CCDC30: variants seen among roughly 807,000 people sequenced by gnomAD.
CCDC30 encodes coiled-coil domain containing 30.
In CCDC30, 70 loss-of-function variants were observed where a neutral mutation model predicts 100.2. That is an observed-to-expected ratio of 0.70 (90% CI 0.58 to 0.85). CCDC30 has a LOEUF of 0.85. CCDC30 is among the 40% of genes least tolerant of loss of function. The pLI, the probability that CCDC30 is intolerant of heterozygous loss-of-function variation, is 0.00. For missense variants in CCDC30, 652 were observed against 771.2 expected (o/e 0.85, Z 1.83); for synonymous variants, 233 against 269.5 (o/e 0.86, Z 1.33).
chr1:42,633,789 C>G (rs1481326459), intron 11 of CCDC30, among the ~76,000 whole-genome samples: 1 of 152,096 alleles, frequency 6.6e-6, no homozygotes, highest in Admixed American at 6.6e-5. Flanking sequence ...TTGTATTAGT[C>G]ACTTCTCATG....
chr1:42,629,969 A>ATTTTT (rs4019432), intron 11 of CCDC30, among the ~76,000 whole-genome samples: 8 of 90,118 alleles, frequency 8.9e-5, no homozygotes, highest in African/African-American at 2.2e-4. Flanking sequence ...ATGTCCCCCT[A>ATTTTT]TTTTTTTTTT....
At chr1:42,512,208 C>A (rs4622103) in intron 6 of CCDC30, among the ~76,000 whole-genome samples, 1 of 152,094 alleles carries the variant, frequency 6.6e-6, no homozygotes, top group African/African-American at 2.4e-5. Context: ...GTTCCTTGCC[C>A]TCATTCTGGT....
the CCDC30 span, chr1:42,456,335 C>T: frequency 1.6e-6 from 1 of 607,798 alleles, no homozygotes; most frequent in Non-Finnish European, 2.9e-6. Flanking sequence ...GGAACGTGAC[C>T]CTACCAGATG....
At position 42,539,319 on chromosome 1, in the gene CCDC30, GAGTT is replaced by G. The variant is rs759565786; in HGVS notation, c.457-26974_457-26971del. 3.8e-6 allele frequency: 6 copies of G among 1,589,758 alleles called. No individual in the cohort carries two copies. The highest frequency in any genetic ancestry group is 5.1e-6 in the Non-Finnish European group (6 of 1,170,886). On this transcript the variant is annotated intron_variant, in intron 6 of 16. Coordinates refer to ENST00000668663, the Ensembl canonical transcript of CCDC30. Reference sequence around the variant, plus strand: ...CTGAATTAGAAACAAAGGTGAGACTGAGTTAGGTATTTAAATGTTCAATATTTAA... The same window carrying G: ...CTGAATTAGAAACAAAGGTGAGACTGAGGTATTTAAATGTTCAATATTTAA...
chr1:42,619,369 A>G (rs1320995696), intron 11 of CCDC30, among the ~76,000 whole-genome samples: 3 of 152,192 alleles, frequency 2.0e-5, no homozygotes, highest in African/African-American at 7.2e-5. Flanking sequence ...CCAAGGGAAA[A>G]CTTCTCCTTT....
chr1:42,622,427 G>A (rs1264144227), intron 11 of CCDC30, among the ~76,000 whole-genome samples: 1 of 152,172 alleles, frequency 6.6e-6, no homozygotes, highest in Non-Finnish European at 1.5e-5. Flanking sequence ...TCGATATACT[G>A]ATTTCCTTTC....
chr1:42,629,847 C>T (rs1647002051), intron 11 of CCDC30, among the ~76,000 whole-genome samples: 1 of 151,654 alleles, frequency 6.6e-6, no homozygotes, highest in African/African-American at 2.4e-5. Context: ...AACTCCTGAC[C>T]TCGTGATCCG....
rs1168552275 is a variant in CCDC30, at chr1:42,464,283, G to T, written c.-92+385G>T. 3.3e-5 allele frequency: 5 copies of T among 152,298 alleles called. No homozygotes were observed. The East Asian group carries it at 9.6e-4, about 29-fold the overall frequency. 9.4% of individuals were successfully genotyped at this position (152,298 alleles called of 1,614,324 possible). A position where few individuals can be genotyped will look rare whatever the true frequency, so the allele number is the denominator to read the frequency against. On this transcript the variant is annotated intron_variant, in intron 1 of 16. Coordinates refer to ENST00000668663, the Ensembl canonical transcript of CCDC30. ...GAAAATGGAAAAAAAAATCAAAATT[G>T]CAGTATTGGACCCATTTCAGGCTTA... is the stretch of plus-strand genomic sequence containing the variant.
At chr1:42,561,310 A>G (rs2148558134) in intron 6 of CCDC30, among the ~76,000 whole-genome samples, 1 of 152,362 alleles carries the variant, frequency 6.6e-6, no homozygotes, top group East Asian at 1.9e-4. Flanking sequence ...ACATACACAA[A>G]TGAATAAACA....
chr1:42,506,069 A>G lies in CCDC30; in HGVS notation c.456+7153A>G, dbSNP rs546897583. On this transcript the variant is annotated intron_variant, in intron 6 of 16. Coordinates refer to ENST00000668663, the Ensembl canonical transcript of CCDC30. ...ATTTTAGAGGAACCAGGCAATGAGAAAGAAGTATGCCTTAAATTTTATTCA... is the reference window on the plus strand; with the variant it reads ...ATTTTAGAGGAACCAGGCAATGAGAGAGAAGTATGCCTTAAATTTTATTCA... Among the ~76,000 whole-genome samples, 8 of 152,356 alleles carry G rather than the reference A, an allele frequency of 5.3e-5. No individual in the cohort carries two copies. The South Asian group carries it at 1.4e-3, about 28-fold the overall frequency.
chr1:42,482,341 G>C (rs1488237082), intron 2 of CCDC30, among the ~76,000 whole-genome samples: 1 of 151,900 alleles, frequency 6.6e-6, no homozygotes, highest in African/African-American at 2.4e-5. Context: ...TTGGTATTAT[G>C]ACTATGTAAA....
chr1:42,574,140 A>G (rs1297702756), intron 7 of CCDC30, among the ~76,000 whole-genome samples: 1 of 152,096 alleles, frequency 6.6e-6, no homozygotes, highest in Non-Finnish European at 1.5e-5. Context: ...AAAAATGGGT[A>G]ATATACCCTC....
At chr1:42,465,988 C>G (rs1643566861) in intron 1 of CCDC30, among the ~76,000 whole-genome samples, 1 of 152,118 alleles carries the variant, frequency 6.6e-6, no homozygotes, top group Non-Finnish European at 1.5e-5. Context: ...ATATTTTAAA[C>G]ATTTTTTACA....
intron 15 of CCDC30, among the ~76,000 whole-genome samples, chr1:42,651,323 T>A (rs188077288): frequency 1.3e-5 from 2 of 152,236 alleles, no homozygotes; most frequent in Admixed American, 1.3e-4. Flanking sequence ...AAAATATCTG[T>A]AAGCTACACA....
In CCDC30 at chr1:42,472,384, A is replaced by G. The variant is rs12096095; in HGVS notation, c.-91-8077A>G. ...TTACTTGCAACCTAAAAAAATTGAT[A>G]TTGATAGCAGGCTTAGACCAAGAAG... is the stretch of plus-strand genomic sequence containing the variant. On this transcript the variant is annotated intron_variant, in intron 1 of 16. Transcript: ENST00000668663. Among the ~76,000 whole-genome samples the G allele has an allele frequency of 6.6e-3, 1,010 of 152,366 alleles. 5 individuals carry two copies. The highest frequency in any genetic ancestry group is 0.019 in the African/African-American group (786 of 41,582).
intron 1 of CCDC30, among the ~76,000 whole-genome samples, chr1:42,468,027 G>T (rs1643646162): frequency 1.3e-5 from 2 of 152,218 alleles, no homozygotes; most frequent in Admixed American, 1.3e-4. Flanking sequence ...GGTCAGGAGA[G>T]ACTGTTAATG....
intron 11 of CCDC30, among the ~76,000 whole-genome samples, chr1:42,622,041 T>C (rs2148658783): frequency 6.6e-6 from 1 of 152,354 alleles, no homozygotes; most frequent in East Asian, 1.9e-4. Flanking sequence ...GTTAAAACTT[T>C]TTTTATAGTC....
chr1:42,577,134 G>A, exon 8 of CCDC30: 1 of 1,614,094 alleles, frequency 6.2e-7, no homozygotes, highest in Non-Finnish European at 8.5e-7. Context: ...ACTGGAGTTG[G>A]AAGTACTTAA....
chr1:42,530,298 C>T (rs146920731), intron 6 of CCDC30, among the ~76,000 whole-genome samples: 22 of 152,194 alleles, frequency 1.4e-4, no homozygotes, highest in Middle Eastern at 6.8e-3. Flanking sequence ...AGAGAGAGAC[C>T]ACATTCACAT....
Sources: allele counts gnomAD v4.1 joint callset (sites outside exome capture counted in the v4.1 genomes callset), GRCh38; gene constraint gnomAD v4.1.1; transcripts MANE v1.5; gene names NCBI Gene and HGNC (gene_info 2026-07-23, HGNC 2026-07-21).